Variants in ARIH1 observed in about 807,000 individuals in gnomAD.
ARIH1 encodes E3 ubiquitin-protein ligase ARIH1.
ARIH1 carries 8 observed loss-of-function variants against 85.0 expected under a neutral mutation model. The observed-to-expected ratio is 0.09, with a 90% confidence interval of 0.06 to 0.17. The LOEUF (loss-of-function observed/expected upper bound fraction) is 0.17. Ranked by LOEUF, ARIH1 falls within the 10% of genes least tolerant of loss-of-function variation. The pLI is 1.00. For missense variants in ARIH1, 311 were observed against 718.1 expected (o/e 0.43, Z 6.48); for synonymous variants, 238 against 253.6 (o/e 0.94, Z 0.59).
At position 72,592,346 on chromosome 15, in the gene ARIH1, A is replaced by G. The variant is rs1160000016; in HGVS notation, c.*9054A>G. 1 of 152,254 alleles carries G rather than the reference A, an allele frequency of 6.6e-6. No individual in the cohort carries two copies. The highest frequency in any genetic ancestry group is 1.5e-5 in the Non-Finnish European group (1 of 68,050). The allele number at this position is 152,254 out of a possible 1,614,324, so 9.4% of individuals were successfully genotyped here. ...GAGCCCAAAAATCTCACTGAAGCAA[A>G]GAGATAATAGGCCAGTAAAGAGTGG... is the stretch of plus-strand genomic sequence containing the variant. On this transcript the variant is annotated 3_prime_UTR_variant, in exon 14 of 14. Coordinates refer to ENST00000379887, the MANE Select transcript of ARIH1 (RefSeq NM_005744.5).
At chr15:72,565,538 C>T (rs963969051) in intron 7 of ARIH1, among the ~76,000 whole-genome samples, 13 of 151,992 alleles carry the variant, frequency 8.6e-5, no homozygotes, top group Middle Eastern at 3.2e-3. Context: ...GGTAAGCTCA[C>T]AGAGATTAAG....
chr15:72,593,663 T>G lies in ARIH1; in HGVS notation c.*10371T>G, dbSNP rs1354753874. 1 of 152,250 alleles carries G rather than the reference T, an allele frequency of 6.6e-6. No individual in the cohort carries two copies. Among genetic ancestry groups the G allele is most frequent in the East Asian group, 1.9e-4 (1 of 5,206 alleles). The allele number at this position is 152,250 out of a possible 1,614,324, so 9.4% of individuals were successfully genotyped here. A position where few individuals can be genotyped will look rare whatever the true frequency, so the allele number is the denominator to read the frequency against. On this transcript the variant is annotated 3_prime_UTR_variant, in exon 14 of 14. Transcript: ENST00000379887. ...TTCTACATTTTCTGTTCTGTTCCAT[T>G]AATCTATTTGTGTATCCTTACATCA...
chr15:72,567,443 G>A (rs1294695151), intron 9 of ARIH1, among the ~76,000 whole-genome samples: 2 of 152,160 alleles, frequency 1.3e-5, no homozygotes, highest in Non-Finnish European at 2.9e-5. Flanking sequence ...GTTCTGTAGA[G>A]GAAAAAGCTG....
chr15:72,479,314 A>G (rs1279383946), intron 1 of ARIH1, among the ~76,000 whole-genome samples: 1 of 152,202 alleles, frequency 6.6e-6, no homozygotes, highest in Non-Finnish European at 1.5e-5. Context: ...GCCGAGAGGA[A>G]TATGGACCTG....
intron 2 of ARIH1, among the ~76,000 whole-genome samples, chr15:72,526,797 T>G (rs2064030348): frequency 6.6e-6 from 1 of 151,836 alleles, no homozygotes; most frequent in Non-Finnish European, 1.5e-5. Context: ...TTATGGTCTT[T>G]TCTTTTATCC....
At chr15:72,569,334 G>T (rs77639228) in intron 9 of ARIH1, among the ~76,000 whole-genome samples, 154 of 151,902 alleles carry the variant, frequency 1.0e-3, no homozygotes, top group African/African-American at 3.6e-3. Context: ...ATTTGGACTT[G>T]GAAAAAAACA....
At chr15:72,536,418 A>T (rs1244653144) in intron 2 of ARIH1, among the ~76,000 whole-genome samples, 1 of 151,940 alleles carries the variant, frequency 6.6e-6, no homozygotes, top group Admixed American at 6.6e-5. Flanking sequence ...TTGAAATTTT[A>T]TTTACCTGCA....
chr15:72,545,213 T>C (rs1372763690), intron 3 of ARIH1, among the ~76,000 whole-genome samples: 1 of 152,216 alleles, frequency 6.6e-6, no homozygotes, highest in Non-Finnish European at 1.5e-5. Context: ...CCTAAATCTT[T>C]CTGGAGTTTA....
At chr15:72,512,504 T>C (rs533420073) in intron 1 of ARIH1, among the ~76,000 whole-genome samples, 302 of 151,828 alleles carry the variant, frequency 2.0e-3, no homozygotes, top group African/African-American at 7.0e-3. Context: ...TTGGTTTTGT[T>C]TCTCGGTTTT....
rs552372830 is a variant in ARIH1, at chr15:72,483,063, T to G, written c.375+8049T>G. Among the ~76,000 whole-genome samples the G allele has an allele frequency of 2.4e-4, 36 of 152,240 alleles. No individual in the cohort carries two copies. In the South Asian group the frequency reaches 7.2e-3, roughly 31 times the overall value. ...AGACCAGTATTTTTTTGTTTTGCCA[T>G]GTTGCCTAGGCTGCTCTTGAACACC... On this transcript the variant is annotated intron_variant, in intron 1 of 13. Coordinates refer to ENST00000379887, the MANE Select transcript of ARIH1 (RefSeq NM_005744.5).
In ARIH1 at chr15:72,596,807, TTTTA is replaced by T. The variant is rs1488145057; in HGVS notation, c.*13519_*13522del. 1 of 152,194 alleles carries T rather than the reference TTTTA, an allele frequency of 6.6e-6. No individual in the cohort carries two copies. Among genetic ancestry groups the T allele is most frequent in the African/African-American group, 2.4e-5 (1 of 41,464 alleles). 9.4% of individuals were successfully genotyped at this position (152,194 alleles called of 1,614,324 possible). Reference sequence around the variant, plus strand: ...GTACTGAATTATTCATTTCTAATATTTTTATTTCTAGCATTTCATTATATTTGTA... The same window carrying T: ...GTACTGAATTATTCATTTCTAATATTTTTCTAGCATTTCATTATATTTGTA... On this transcript the variant is annotated 3_prime_UTR_variant, in exon 14 of 14. Transcript: ENST00000379887.
intron 1 of ARIH1, among the ~76,000 whole-genome samples, chr15:72,504,286 C>T (rs932527173): frequency 1.3e-5 from 2 of 152,080 alleles, no homozygotes; most frequent in Non-Finnish European, 2.9e-5. Flanking sequence ...AGCTTCTGAC[C>T]TCAGGTTAAT....
At chr15:72,487,573 C>G (rs2063842479) in intron 1 of ARIH1, among the ~76,000 whole-genome samples, 1 of 152,014 alleles carries the variant, frequency 6.6e-6, no homozygotes, top group African/African-American at 2.4e-5. Context: ...GCTTTTCCCC[C>G]TTTTATTGGC....
At chr15:72,496,371 C>A (rs976074033) in intron 1 of ARIH1, among the ~76,000 whole-genome samples, 2 of 152,190 alleles carry the variant, frequency 1.3e-5, no homozygotes, top group African/African-American at 4.8e-5. Flanking sequence ...TACAAACATA[C>A]TCTAAGCACA....
At chr15:72,510,110 G>A (rs1027222598) in intron 1 of ARIH1, among the ~76,000 whole-genome samples, 3 of 152,050 alleles carry the variant, frequency 2.0e-5, no homozygotes, top group African/African-American at 7.2e-5. Context: ...CTTTTCCACT[G>A]TGTCATTTAA....
rs555323839 is a variant in ARIH1 at position 72,538,335 on chromosome 15, CAGAG to C, written c.444-6479_444-6476del. Among the ~76,000 whole-genome samples, 784 of 152,306 alleles carry C rather than the reference CAGAG, an allele frequency of 5.1e-3. 8 individuals are homozygous for C. The highest frequency in any genetic ancestry group is 0.011 in the Admixed American group (174 of 15,298). On this transcript the variant is annotated intron_variant, in intron 2 of 13. Coordinates refer to ENST00000379887, the MANE Select transcript of ARIH1 (RefSeq NM_005744.5). The stretch of plus-strand genomic sequence containing the variant: ...GCTGAGATGAAGCCAGCCTGGGTGA[CAGAG>C]AGAGACTTTGTCTCCCTCTCCCCCG...
At position 72,534,959 on chromosome 15, in the gene ARIH1, C is replaced by CTTTTTTTTTTTTTTTTTTTTTTTTTTT. The variant is rs59841210; in HGVS notation, c.444-9850_444-9849insTTTTTTTTTTTTTTTTTTTTTTTTTTT. On this transcript the variant is annotated intron_variant, in intron 2 of 13. Transcript: ENST00000379887. ...CCTATGTCTTCTTATTGTCTGTATT[C>CTTTTTTTTTTTTTTTTTTTTTTTTTTT]TTTTTTTTTTTGAGACGGAGTCTCG... Among the ~76,000 whole-genome samples, 35 of 73,908 alleles carry CTTTTTTTTTTTTTTTTTTTTTTTTTTT rather than the reference C, an allele frequency of 4.7e-4. 14 individuals are homozygous for CTTTTTTTTTTTTTTTTTTTTTTTTTTT. The highest frequency in any genetic ancestry group is 1.1e-3 in the Non-Finnish European group (30 of 28,458). The allele number at this position is 73,908 out of a possible 152,430, so 48.5% of individuals were successfully genotyped here. A position where few individuals can be genotyped will look rare whatever the true frequency, so the allele number is the denominator to read the frequency against.
chr15:72,538,118 C>A (rs764728167), intron 2 of ARIH1, among the ~76,000 whole-genome samples: 1 of 152,150 alleles, frequency 6.6e-6, no homozygotes, highest in Non-Finnish European at 1.5e-5. Flanking sequence ...AATCCCAGCA[C>A]TTTGGGAGGC....
At chr15:72,577,288 A>T (rs904436054) in intron 11 of ARIH1, among the ~76,000 whole-genome samples, 9 of 152,110 alleles carry the variant, frequency 5.9e-5, no homozygotes, top group Admixed American at 2.0e-4. Context: ...TGTGCCTGGC[A>T]TATACTGTGT....
Sources: allele counts gnomAD v4.1 joint callset (sites outside exome capture counted in the v4.1 genomes callset), GRCh38; gene constraint gnomAD v4.1.1; transcripts MANE v1.5; gene names NCBI Gene and HGNC (gene_info 2026-07-23, HGNC 2026-07-21).